The following USH2A variants were observed in gnomAD, a reference collection of about 807,000 sequenced individuals.
USH2A encodes usherin.
A neutral mutation model predicts 538.9 loss-of-function variants in USH2A; 443 were observed. The observed-to-expected ratio is 0.82, with a 90% CI of 0.76 to 0.89. USH2A has a LOEUF of 0.89. Among genes scored for constraint, USH2A ranks in the 40% least tolerant of loss-of-function variants. The pLI is 0.00. For missense variants in USH2A, 6,633 were observed against 6,324.8 expected (o/e 1.05, Z -1.65); for synonymous variants, 2,413 against 2,273.5 (o/e 1.06, Z -1.75).
intron 49 of USH2A, among the ~76,000 whole-genome samples, chr1:215,808,977 G>C (rs1369408260): frequency 6.6e-6 from 1 of 152,066 alleles, no homozygotes; most frequent in African/African-American, 2.4e-5. Context: ...GAATTCAGGA[G>C]ACAGTTGGCT....
At chr1:215,922,384 T>C (rs955760289) in intron 38 of USH2A, among the ~76,000 whole-genome samples, 2 of 152,122 alleles carry the variant, frequency 1.3e-5, no homozygotes, top group East Asian at 3.9e-4. Context: ...TCAGGAAGAC[T>C]GTGAGCAACA....
At chr1:216,073,914 T>C (rs1360794296) in intron 27 of USH2A, among the ~76,000 whole-genome samples, 1 of 152,222 alleles carries the variant, frequency 6.6e-6, no homozygotes, top group Admixed American at 6.5e-5. Context: ...GTCACTATGC[T>C]CTATCATTTT....
intron 11 of USH2A, among the ~76,000 whole-genome samples, chr1:216,260,258 A>G (rs1160761654): frequency 6.6e-6 from 1 of 152,210 alleles, no homozygotes; most frequent in Non-Finnish European, 1.5e-5. Context: ...TATTGACAAC[A>G]TTCTTGAATA....
intron 21 of USH2A, among the ~76,000 whole-genome samples, chr1:216,106,668 A>C (rs762483786): frequency 6.6e-6 from 1 of 150,560 alleles, no homozygotes; most frequent in Non-Finnish European, 1.5e-5. Flanking sequence ...ATTGATATCC[A>C]ATTCTGCCTT....
At position 216,231,259 on chromosome 1, in the gene USH2A, AATAT is replaced by A. The variant is rs1373443893; in HGVS notation, c.2993+690_2993+693del. ...ATATATATATATATATTATATATAT[AATAT>A]ATATATATAATATATATACACAGAG... On this transcript the variant is annotated intron_variant, in intron 14 of 71. Transcript: ENST00000307340. 4.1e-5 allele frequency among the ~76,000 whole-genome samples: 4 copies of A among 98,114 alleles called. 1 individual carries two copies. In the Admixed American group the frequency reaches 4.9e-4, roughly 12 times the overall value. 64.4% of individuals were successfully genotyped at this position (98,114 alleles called of 152,430 possible).
At chr1:216,123,186 C>A (rs9659188) in intron 21 of USH2A, among the ~76,000 whole-genome samples, 53,557 of 152,064 alleles carry the variant, frequency 0.35, 10,380 homozygotes, top group East Asian at 0.73. Flanking sequence ...AATCTTTCTT[C>A]TTCCTCTGGG....
intron 3 of USH2A, among the ~76,000 whole-genome samples, chr1:216,392,331 T>C (rs1278340013): frequency 2.6e-5 from 4 of 151,910 alleles, no homozygotes; most frequent in African/African-American, 9.7e-5. Flanking sequence ...ACCCTGTCTC[T>C]ACTAAAAATA....
At chr1:215,766,152 T>C (rs766923169) in intron 56 of USH2A, among the ~76,000 whole-genome samples, 4 of 152,190 alleles carry the variant, frequency 2.6e-5, no homozygotes, top group African/African-American at 9.7e-5. Flanking sequence ...TCCTTGTTTG[T>C]TGTGGTCCAT....
At chr1:216,252,878 T>A (rs1035625290) in intron 11 of USH2A, among the ~76,000 whole-genome samples, 3 of 152,084 alleles carry the variant, frequency 2.0e-5, no homozygotes, top group Non-Finnish European at 4.4e-5. Context: ...ACCATGAAAA[T>A]CCAATAGGCG....
chr1:215,732,554 T>C lies in USH2A; in HGVS notation c.11712-4170A>G, dbSNP rs1479222054. On this transcript the variant is annotated intron_variant, in intron 60 of 71. Coordinates refer to ENST00000307340, the MANE Select transcript of USH2A (RefSeq NM_206933.4). Reference sequence around the variant, plus strand: ...TCTCCTTTTTTCTTTCTTTTTTTTTTTTTTTTTTTTTTTTTTTTGCTCTGT... The same window carrying C: ...TCTCCTTTTTTCTTTCTTTTTTTTTCTTTTTTTTTTTTTTTTTTGCTCTGT... 7.1e-5 allele frequency among the ~76,000 whole-genome samples: 9 copies of C among 125,912 alleles called. No individual in the cohort carries two copies. The East Asian group carries it at 8.9e-4, about 12-fold the overall frequency. 82.6% of individuals were successfully genotyped at this position (125,912 alleles called of 152,430 possible).
rs1476773349 is a variant in USH2A, at chr1:216,175,248, T to C, written c.4627+4A>G. 4 of 1,613,470 alleles carry C rather than the reference T, an allele frequency of 2.5e-6. No homozygotes were observed. The highest frequency in any genetic ancestry group is 1.3e-5 in the African/African-American group (1 of 74,916). Reference sequence around the variant, plus strand: ...CTAAATAAAGCAATGTCAAACACACTTACCAGTGAAGTCTGTATTGACTGG... The same window carrying C: ...CTAAATAAAGCAATGTCAAACACACCTACCAGTGAAGTCTGTATTGACTGG... On this transcript the variant is annotated splice_donor_region_variant and intron_variant, in intron 21 of 71. Coordinates refer to ENST00000307340, the MANE Select transcript of USH2A (RefSeq NM_206933.4).
At chr1:215,704,720 C>G (rs1309314984) in intron 61 of USH2A, among the ~76,000 whole-genome samples, 1 of 152,160 alleles carries the variant, frequency 6.6e-6, no homozygotes, top group Non-Finnish European at 1.5e-5. Flanking sequence ...TCATGATTTC[C>G]TCTTTTCTTA....
intron 32 of USH2A, among the ~76,000 whole-genome samples, chr1:216,040,868 G>T (rs1449644112): frequency 6.6e-6 from 1 of 151,752 alleles, no homozygotes; most frequent in Non-Finnish European, 1.5e-5. Flanking sequence ...GATTAATGGA[G>T]ATCTTGGAAA....
At chr1:216,027,318 T>A (rs1193773769) in intron 32 of USH2A, among the ~76,000 whole-genome samples, 1 of 152,178 alleles carries the variant, frequency 6.6e-6, no homozygotes, top group Non-Finnish European at 1.5e-5. Flanking sequence ...GGCGGCAATT[T>A]GTAAGCCAAG....
In USH2A at chr1:215,867,187, T is replaced by A; in HGVS notation, c.8682-17A>T. 1 of 1,612,260 alleles carries A rather than the reference T, an allele frequency of 6.2e-7. No homozygotes were observed. Among genetic ancestry groups the A allele is most frequent in the Non-Finnish European group, 8.5e-7 (1 of 1,178,930 alleles). ...GTTGTAAACCTAAAATGTTGTTTTG[T>A]TAAAAAAAGTATATGAATTTCTACT... is the stretch of plus-strand genomic sequence containing the variant. On this transcript the variant is annotated splice_polypyrimidine_tract_variant and intron_variant, in intron 43 of 71. Transcript: ENST00000307340.
At position 215,967,500 on chromosome 1, in the gene USH2A, G is replaced by A. The variant is rs186770554; in HGVS notation, c.6958-2021C>T. Among the ~76,000 whole-genome samples, 422 of 152,168 alleles carry A rather than the reference G, an allele frequency of 2.8e-3. 1 individual carries two copies. Among genetic ancestry groups the A allele is most frequent in the Non-Finnish European group, 4.4e-3 (298 of 68,006 alleles). On this transcript the variant is annotated intron_variant, in intron 36 of 71. Coordinates refer to ENST00000307340, the MANE Select transcript of USH2A (RefSeq NM_206933.4). The stretch of plus-strand genomic sequence containing the variant: ...TTATTCTTAATAAAACTCTTGCAAT[G>A]CGCCAGAAATTTGTGTAAGTTATAT...
At chr1:216,033,390 C>A (rs986274201) in intron 32 of USH2A, among the ~76,000 whole-genome samples, 4 of 152,084 alleles carry the variant, frequency 2.6e-5, no homozygotes, top group African/African-American at 9.7e-5. Flanking sequence ...ATGATTCAGC[C>A]ATGTAAAGAA....
At chr1:216,009,782 C>T (rs534232846) in intron 32 of USH2A, among the ~76,000 whole-genome samples, 21 of 152,284 alleles carry the variant, frequency 1.4e-4, no homozygotes, top group African/African-American at 2.6e-4. Flanking sequence ...ACACCCAGTC[C>T]GGCTTACAGT....
rs189527046 is a variant in USH2A, at chr1:216,235,502, G to A, written c.2810-3366C>T. 1.3e-4 allele frequency among the ~76,000 whole-genome samples: 20 copies of A among 152,128 alleles called. No individual in the cohort carries two copies. The East Asian group carries it at 3.9e-3, about 29-fold the overall frequency. ...TTTTAGACATGACAAATCTCAAGTG[G>A]AAAAAAATGTATCATCCAGCTAAAA... On this transcript the variant is annotated intron_variant, in intron 13 of 71. Transcript: ENST00000307340.
Sources: allele counts gnomAD v4.1 joint callset (sites outside exome capture counted in the v4.1 genomes callset), GRCh38; gene constraint gnomAD v4.1.1; transcripts MANE v1.5; gene names NCBI Gene and HGNC (gene_info 2026-07-23, HGNC 2026-07-21).